The following NHLRC2 variants were observed in gnomAD, a reference collection of about 807,000 sequenced individuals.
NHLRC2 encodes the protein NHL repeat-containing protein 2.
Under a neutral mutation model 68.1 loss-of-function variants are expected in NHLRC2, and 33 were observed. That is an observed-to-expected ratio of 0.48 (90% CI 0.37 to 0.65). The LOEUF is 0.65. NHLRC2 is among the 30% of genes least tolerant of loss of function. The pLI is 0.00. For synonymous variants in NHLRC2, 311 were observed against 309.6 expected (o/e 1.00, Z -0.05); for missense variants, 761 against 853.8 (o/e 0.89, Z 1.35).
chr10:113,903,722 A>T lies in NHLRC2; in HGVS notation c.1690A>T (p.Lys564Ter). The T allele has an allele frequency of 6.5e-7, 1 of 1,534,046 alleles. No homozygotes were observed. Among genetic ancestry groups the T allele is most frequent in the Non-Finnish European group, 9.0e-7 (1 of 1,108,338 alleles). ...AATTAAAGTGATGGATTTAGAAACT[A>T]AAATGGTATCTGTGGTAAGTAATTT... ...HQIKVMDLET[K>*]MVSVLPIFRS... The change falls in exon 9 of 11, where the codon AAA (lysine) becomes TAA (stop). Residue 564 changes from lysine (K) to a stop codon, truncating the protein, a stop_gained. Transcript: ENST00000369301. LOFTEE classifies it high-confidence loss of function.
chr10:113,857,029 A>G (rs1845766730), intron 1 of NHLRC2, among the ~76,000 whole-genome samples: 1 of 152,202 alleles, frequency 6.6e-6, no homozygotes, highest in Non-Finnish European at 1.5e-5. Context: ...GCAAAACTGA[A>G]CTATTATTTA....
chr10:113,903,676 A>G lies in NHLRC2; in HGVS notation c.1644A>G (p.Val548=). 6.2e-7 allele frequency: 1 copy of G among 1,602,114 alleles called. No homozygotes were observed. The highest frequency in any genetic ancestry group is 1.1e-5 in the South Asian group (1 of 90,864). Residue 548 remains valine, a synonymous_variant, in exon 9 of 11, where the codon GTA becomes GTG. Transcript: ENST00000369301. ...CIGENGELLY[V]ADTNNHQIKV... is the part of the protein sequence containing the mutation. Reference sequence around the variant, plus strand: ...GAGAGAATGGAGAATTATTATATGTAGCAGACACCAATAATCATCAAATTA... The same window carrying G: ...GAGAGAATGGAGAATTATTATATGTGGCAGACACCAATAATCATCAAATTA...
Position 113,855,049 on chromosome 10 carries a change from A to C in NHLRC2, c.177A>C (p.Glu59Asp), listed in dbSNP as rs1845732116. ...ACTTGTCAGTACCCGAGTTTCCGGA[A>C]GGTGAGGGGCTGGCGTCGGGGTGGG... The part of the protein sequence containing the change: ...EQDLSVPEFP[E>D]GLEWLNTEEP... Residue 59 changes from glutamate to aspartate, a missense_variant and splice_region_variant, in exon 1 of 11, where the codon GAA (glutamate) becomes GAC (aspartate). Transcript: ENST00000369301. The C allele has an allele frequency of 1.3e-6, 2 of 1,551,410 alleles. No individual in the cohort carries two copies. Among genetic ancestry groups the C allele is most frequent in the Non-Finnish European group, 1.7e-6 (2 of 1,146,884 alleles).
In NHLRC2 at chr10:113,898,193, A is replaced by G; in HGVS notation, c.1123A>G (p.Lys375Glu). 6.2e-7 allele frequency: 1 copy of G among 1,611,198 alleles called. No homozygotes were observed. Among genetic ancestry groups the G allele is most frequent in the Middle Eastern group, 1.7e-4 (1 of 6,038 alleles). ...ATGGGCACTCCTGCTGGACTCTGGC[A>G]AACTGCCAAAGAAAAAGTAAGTGAC... Reference protein sequence around the residue: ...QIWALLLDSGKLPKKNELTKG... With the variant: ...QIWALLLDSGELPKKNELTKG... The change falls in exon 6 of 11, where the codon AAA becomes GAA. Residue 375 changes from lysine to glutamate, a missense_variant. By Grantham distance (56) the Lys-to-Glu change is moderately conservative. Transcript: ENST00000369301.
intron 9 of NHLRC2, among the ~76,000 whole-genome samples, 173 bp from the exon 10 acceptor site, chr10:113,904,644 G>A (rs1846258021): frequency 6.6e-6 from 1 of 152,036 alleles, no homozygotes; most frequent in African/African-American, 2.4e-5. Flanking sequence ...AACTTTCTCT[G>A]TGTCTACGAA....
At chr10:113,880,296 A>G (rs768493156) in intron 4 of NHLRC2, among the ~76,000 whole-genome samples, 6 of 151,986 alleles carry the variant, frequency 3.9e-5, no homozygotes, top group African/African-American at 1.2e-4. Flanking sequence ...GCCTTTTTGT[A>G]GAGAATTTTT....
intron 5 of NHLRC2, among the ~76,000 whole-genome samples, chr10:113,895,731 A>G (rs1383029862): frequency 6.6e-6 from 1 of 152,174 alleles, no homozygotes; most frequent in Non-Finnish European, 1.5e-5. Flanking sequence ...AGGCACACAC[A>G]TTAGAAAGTG....
intron 9 of NHLRC2, 103 bp downstream of exon 9, chr10:113,903,839 G>A (rs527653108): frequency 2.8e-6 from 2 of 719,120 alleles, no homozygotes; most frequent in East Asian, 2.6e-5. Context: ...ATCTCCAGGA[G>A]AGTATTAAGT....
chr10:113,902,206 A>G (rs1352781977), intron 7 of NHLRC2, among the ~76,000 whole-genome samples: 1 of 152,198 alleles, frequency 6.6e-6, no homozygotes, highest in Non-Finnish European at 1.5e-5. Context: ...TGGAAAGAGC[A>G]CCAGACTAGT....
In NHLRC2 at chr10:113,915,605, T is replaced by C. The variant is rs1846375738; in HGVS notation, c.*7069T>C. 3 of 227,280 alleles carry C rather than the reference T, an allele frequency of 1.3e-5. No homozygotes were observed. In the South Asian group the frequency reaches 1.8e-4, roughly 13 times the overall value. 14.1% of individuals were successfully genotyped at this position (227,280 alleles called of 1,614,324 possible). On this transcript the variant is annotated 3_prime_UTR_variant, in exon 11 of 11. Coordinates refer to ENST00000369301, the MANE Select transcript of NHLRC2 (RefSeq NM_198514.4). ...CAAAATCAGCTCTCAGACTTAACTCTCCCCAATTAAAATAGTTTTTTTTTC... is the reference window on the plus strand; with the variant it reads ...CAAAATCAGCTCTCAGACTTAACTCCCCCCAATTAAAATAGTTTTTTTTTC...
At chr10:113,907,194 T>C (rs1846284276) in intron 10 of NHLRC2, among the ~76,000 whole-genome samples, 1 of 152,242 alleles carries the variant, frequency 6.6e-6, no homozygotes, top group African/African-American at 2.4e-5. Flanking sequence ...GTACTCTTAT[T>C]TGACATATTT....
Position 113,902,574 on chromosome 10 carries a change from C to T in NHLRC2, c.1475C>T (p.Ala492Val). ...AAAAAAAGGAATTTACTTTATGTTGCAGACTCCTACAATCACAAGGTGAGT... is the reference window on the plus strand; with the variant it reads ...AAAAAAAGGAATTTACTTTATGTTGTAGACTCCTACAATCACAAGGTGAGT... ...WDKKRNLLYVADSYNHKIKVV... is the reference protein window; with the variant it reads ...WDKKRNLLYVVDSYNHKIKVV... Residue 492 changes from alanine to valine, a missense_variant, in exon 8 of 11, where the codon GCA (alanine) becomes GTA (valine). Coordinates refer to ENST00000369301, the MANE Select transcript of NHLRC2 (RefSeq NM_198514.4). The T allele has an allele frequency of 1.2e-6, 2 of 1,605,900 alleles. No individual in the cohort carries two copies. The highest frequency in any genetic ancestry group is 1.7e-6 in the Non-Finnish European group (2 of 1,177,086).
At chr10:113,869,531 C>A (rs1845902462) in intron 2 of NHLRC2, among the ~76,000 whole-genome samples, 1 of 152,136 alleles carries the variant, frequency 6.6e-6, no homozygotes, top group Admixed American at 6.5e-5. Flanking sequence ...TAGTCACTTA[C>A]CTTCTTCAGT....
chr10:113,898,309 C>A, intron 6 of NHLRC2, 100 bp downstream of exon 6: 2 of 687,924 alleles, frequency 2.9e-6, no homozygotes, highest in South Asian at 1.7e-5. Context: ...TCAGGATGTG[C>A]TAGGTTGTAC....
At chr10:113,880,393 A>AT (rs1228515799) in intron 4 of NHLRC2, among the ~76,000 whole-genome samples, 1 of 151,762 alleles carries the variant, frequency 6.6e-6, no homozygotes, top group African/African-American at 2.4e-5. Flanking sequence ...CCTGAATGAT[A>AT]TGACTGTATC....
chr10:113,867,203 C>G (rs974148934), intron 2 of NHLRC2, among the ~76,000 whole-genome samples: 1 of 152,226 alleles, frequency 6.6e-6, no homozygotes, highest in African/African-American at 2.4e-5. Flanking sequence ...GAAATCTAAG[C>G]TCCCAGAAGC....
At chr10:113,860,169 T>C (rs1444593288) in intron 2 of NHLRC2, among the ~76,000 whole-genome samples, 1 of 152,160 alleles carries the variant, frequency 6.6e-6, no homozygotes, top group Non-Finnish European at 1.5e-5. Context: ...TTTTGATTTG[T>C]TTTTTTAGTA....
At chr10:113,870,797 C>A (rs1845915460) in intron 2 of NHLRC2, among the ~76,000 whole-genome samples, 1 of 152,156 alleles carries the variant, frequency 6.6e-6, no homozygotes, top group African/African-American at 2.4e-5. Context: ...CTTCAATAAA[C>A]TGTCTTGACA....
At chr10:113,867,296 A>G (rs78384060) in intron 2 of NHLRC2, among the ~76,000 whole-genome samples, 2,538 of 152,322 alleles carry the variant, frequency 0.017, 36 homozygotes, top group Non-Finnish European at 0.025. Context: ...CACACACTTT[A>G]TATTTTCTTT....
Sources: gnomAD v4.1 joint callset for allele counts (sites outside exome capture counted in the v4.1 genomes callset) on GRCh38, gnomAD v4.1.1 for gene constraint, MANE v1.5 for transcripts, NCBI Gene and HGNC (gene_info 2026-07-23, HGNC 2026-07-21) for gene names.